NELL1: variants seen among roughly 807,000 people sequenced by gnomAD.
NELL1 encodes protein kinase C-binding protein NELL1.
A neutral mutation model predicts 107.4 loss-of-function variants in NELL1; 76 were observed. The ratio of observed to expected loss-of-function variants is 0.71; its 90% confidence interval spans 0.59 to 0.86. The LOEUF is 0.86. Ranked by LOEUF, NELL1 falls within the 40% of genes least tolerant of loss-of-function variation. NELL1 has a pLI of 0.00. For missense variants in NELL1, 1,024 were observed against 1,005.5 expected (o/e 1.02, Z -0.25); for synonymous variants, 353 against 341.2 (o/e 1.03, Z -0.38).
At chr11:21,560,582 G>A (rs1307388131) in intron 17 of NELL1, among the ~76,000 whole-genome samples, 200 bp downstream of exon 17, 1 of 152,064 alleles carries the variant, frequency 6.6e-6, no homozygotes, top group African/African-American at 2.4e-5. Flanking sequence ...TTAGTGGAAA[G>A]TGAGGTATGA....
intron 12 of NELL1, among the ~76,000 whole-genome samples, chr11:20,991,790 C>G (rs753593626): frequency 2.0e-5 from 3 of 152,270 alleles, no homozygotes; most frequent in Non-Finnish European, 4.4e-5. Flanking sequence ...TTTCCATTCT[C>G]CAGGCTTATC....
intron 14 of NELL1, among the ~76,000 whole-genome samples, chr11:21,267,047 AT>A (rs1319212731): frequency 6.6e-6 from 1 of 152,068 alleles, no homozygotes; most frequent in African/African-American, 2.4e-5. Context: ...CAATTTTGAA[AT>A]ATTATAGTCT....
rs909058262 is a variant in NELL1, at chr11:20,847,633, A to G, written c.386A>G (p.Tyr129Cys). The change falls in exon 4 of 20, where the codon TAC becomes TGC. Residue 129 changes from tyrosine (Y) to cysteine (C), a missense_variant. Tyr to Cys is a radical substitution (Grantham distance 194). Transcript: ENST00000357134. Reference protein sequence around the residue: ...SGLRDEIRYHYIHNGKPRTEA... With the variant: ...SGLRDEIRYHCIHNGKPRTEA... ...CTGAGGGATGAGATTCGGTATCACTACATACACAATGGGAAGCCAAGGACA... is the reference window on the plus strand; with the variant it reads ...CTGAGGGATGAGATTCGGTATCACTGCATACACAATGGGAAGCCAAGGACA... 6.2e-7 allele frequency: 1 copy of G among 1,613,912 alleles called. No individual in the cohort carries two copies. The highest frequency in any genetic ancestry group is 8.5e-7 in the Non-Finnish European group (1 of 1,179,866).
At chr11:21,103,332 T>C (rs1322944279) in intron 12 of NELL1, among the ~76,000 whole-genome samples, 6 of 152,300 alleles carry the variant, frequency 3.9e-5, no homozygotes, top group Non-Finnish European at 1.5e-5. Context: ...ACCAAGTAAC[T>C]GTGGGAAATT....
chr11:21,402,273 A>G (rs1383193050), intron 15 of NELL1, among the ~76,000 whole-genome samples: 1 of 151,800 alleles, frequency 6.6e-6, no homozygotes, highest in Non-Finnish European at 1.5e-5. Flanking sequence ...TACTTTGAGT[A>G]CACCCTTTTC....
intron 12 of NELL1, among the ~76,000 whole-genome samples, chr11:20,991,588 T>G (rs1000976311): frequency 6.6e-6 from 1 of 152,172 alleles, no homozygotes; most frequent in Non-Finnish European, 1.5e-5. Flanking sequence ...TACATAACAA[T>G]AAAACAACAA....
intron 12 of NELL1, among the ~76,000 whole-genome samples, chr11:21,009,181 T>G (rs1298563838): frequency 6.6e-6 from 1 of 152,126 alleles, no homozygotes; most frequent in Non-Finnish European, 1.5e-5. Flanking sequence ...CCAGCATAAT[T>G]CCTGGAACAT....
intron 2 of NELL1, among the ~76,000 whole-genome samples, chr11:20,759,937 C>T (rs964634001): frequency 2.0e-5 from 3 of 152,208 alleles, no homozygotes; most frequent in Non-Finnish European, 4.4e-5. Context: ...AAGGAACTAT[C>T]CTGTCTCCTG....
In NELL1 at chr11:20,759,349, G is replaced by A. The variant is rs192619326; in HGVS notation, c.185-24331G>A. ...GACATTGAAAGGATCCATGGTCCAC[G>A]TGGAAGAAGAAGATCACATTGAAAT... is the stretch of plus-strand genomic sequence containing the variant. On this transcript the variant is annotated intron_variant, in intron 2 of 19. Transcript: ENST00000357134. Among the ~76,000 whole-genome samples the A allele has an allele frequency of 6.2e-4, 95 of 152,304 alleles. 1 individual carries two copies. Among genetic ancestry groups the A allele is most frequent in the African/African-American group, 2.0e-3 (85 of 41,566 alleles).
intron 13 of NELL1, among the ~76,000 whole-genome samples, chr11:21,213,379 A>G (rs1019039695): frequency 2.6e-5 from 4 of 152,164 alleles, no homozygotes. Context: ...TAGAAGTGCA[A>G]AAGAACTAGA....
At chr11:21,508,030 T>G (rs148171397) in intron 15 of NELL1, among the ~76,000 whole-genome samples, 24,182 of 151,976 alleles carry the variant, frequency 0.16, 2,028 homozygotes, top group Non-Finnish European at 0.17. Flanking sequence ...TCCACCTGCC[T>G]GCCTCAGCCT....
At chr11:20,731,187 G>T (rs967172907) in intron 2 of NELL1, among the ~76,000 whole-genome samples, 1 of 152,194 alleles carries the variant, frequency 6.6e-6, no homozygotes, top group African/African-American at 2.4e-5. Context: ...CACCTGAGGA[G>T]GTCTGCACTT....
At chr11:21,080,475 A>G (rs1854240205) in intron 12 of NELL1, among the ~76,000 whole-genome samples, 1 of 152,086 alleles carries the variant, frequency 6.6e-6, no homozygotes, top group Non-Finnish European at 1.5e-5. Flanking sequence ...TTCACTTAGT[A>G]TGTTGGATAT....
chr11:21,527,099 C>T (rs184467652), intron 15 of NELL1, among the ~76,000 whole-genome samples: 5 of 152,242 alleles, frequency 3.3e-5, no homozygotes, highest in Admixed American at 2.6e-4. Flanking sequence ...AAATTTCTTC[C>T]ACCAGATACC....
chr11:21,445,038 G>A (rs914255670), intron 15 of NELL1, among the ~76,000 whole-genome samples: 10 of 152,014 alleles, frequency 6.6e-5, no homozygotes, highest in Non-Finnish European at 1.3e-4. Context: ...AAAGAAACAA[G>A]CAAAAATAAA....
At chr11:21,018,788 A>G (rs573891739) in intron 12 of NELL1, among the ~76,000 whole-genome samples, 1 of 152,248 alleles carries the variant, frequency 6.6e-6, no homozygotes, top group South Asian at 2.1e-4. Flanking sequence ...GGTTTACTGC[A>G]GGAATGCTTA....
intron 2 of NELL1, among the ~76,000 whole-genome samples, chr11:20,728,864 T>C (rs1047553629): frequency 6.6e-6 from 1 of 152,152 alleles, no homozygotes; most frequent in Non-Finnish European, 1.5e-5. Flanking sequence ...TTATTTGATA[T>C]GAATAGTGTT....
At chr11:21,266,960 C>T (rs1848647861) in intron 14 of NELL1, among the ~76,000 whole-genome samples, 1 of 152,042 alleles carries the variant, frequency 6.6e-6, no homozygotes, top group African/African-American at 2.4e-5. Flanking sequence ...GTGAATTTCT[C>T]ATAATTCTTA....
chr11:21,469,705 C>G (rs374986427), intron 15 of NELL1, among the ~76,000 whole-genome samples: 2 of 151,918 alleles, frequency 1.3e-5, no homozygotes, highest in East Asian at 3.9e-4. Flanking sequence ...GCTCAAAGTC[C>G]AGGAAAAGGT....
Sources: gnomAD v4.1 joint callset for allele counts (sites outside exome capture counted in the v4.1 genomes callset) on GRCh38, gnomAD v4.1.1 for gene constraint, MANE v1.5 for transcripts, NCBI Gene and HGNC (gene_info 2026-07-23, HGNC 2026-07-21) for gene names.